Variants in TENM2 observed in about 807,000 individuals in gnomAD.
The protein encoded by TENM2 is teneurin-2.
Under a neutral mutation model 245.2 loss-of-function variants are expected in TENM2, and 52 were observed. The observed-to-expected ratio is 0.21, with a 90% confidence interval of 0.17 to 0.27. The LOEUF (loss-of-function observed/expected upper bound fraction) is 0.27. TENM2 is among the 10% of genes least tolerant of loss of function. The pLI is 1.00. For missense variants in TENM2, 3,046 were observed against 3,666.8 expected, an observed-to-expected ratio of 0.83 and a Z score of 4.37; for synonymous variants, 1,363 against 1,438.9, an observed-to-expected ratio of 0.95 and a Z score of 1.19.
intron 2 of TENM2, among the ~76,000 whole-genome samples, chr5:167,841,756 C>A (rs1159027207): frequency 6.6e-6 from 1 of 152,086 alleles, no homozygotes; most frequent in African/African-American, 2.4e-5. Context: ...TTTTTCTAGT[C>A]CAGGGTTCAT....
chr5:167,997,401 A>G (rs1314318245), intron 5 of TENM2, among the ~76,000 whole-genome samples: 1 of 152,222 alleles, frequency 6.6e-6, no homozygotes, highest in Non-Finnish European at 1.5e-5. Context: ...TTCCTGAATC[A>G]TCTTCTAACG....
At chr5:167,322,322 A>G (rs17068271) in intron 1 of TENM2, among the ~76,000 whole-genome samples, 87,675 of 151,804 alleles carry the variant, frequency 0.58, 25,459 homozygotes, top group Admixed American at 0.64. Flanking sequence ...GCTTCAGTGC[A>G]CTTGGCTTTG....
intron 1 of TENM2, among the ~76,000 whole-genome samples, chr5:167,293,218 T>G (rs113713760): frequency 6.6e-6 from 1 of 152,236 alleles, no homozygotes; most frequent in African/African-American, 2.4e-5. Flanking sequence ...TTGTTTGTTT[T>G]AAGGCAGAGC....
At chr5:168,084,980 A>G (rs1189651511) in intron 7 of TENM2, among the ~76,000 whole-genome samples, 1 of 152,180 alleles carries the variant, frequency 6.6e-6, no homozygotes, top group Non-Finnish European at 1.5e-5. Context: ...GGCAGCTACA[A>G]CTAGGTTCTT....
At chr5:167,334,608 T>A (rs1200077424) in intron 1 of TENM2, among the ~76,000 whole-genome samples, 1 of 152,236 alleles carries the variant, frequency 6.6e-6, no homozygotes, top group Non-Finnish European at 1.5e-5. Context: ...CTCTTGTTTT[T>A]TCCTTCCTTT....
intron 2 of TENM2, among the ~76,000 whole-genome samples, chr5:167,805,529 G>T (rs2150968082): frequency 6.6e-6 from 1 of 152,294 alleles, no homozygotes; most frequent in African/African-American, 2.4e-5. Flanking sequence ...GTAGATACTT[G>T]TTGACTGAAG....
At chr5:167,908,658 G>T (rs1408237441) in intron 3 of TENM2, among the ~76,000 whole-genome samples, 1 of 106,286 alleles carries the variant, frequency 9.4e-6, no homozygotes, top group African/African-American at 3.8e-5. Context: ...TCCCCTCTTT[G>T]CTTTTCTTCT....
chr5:167,355,886 T>TTA (rs397732006), intron 1 of TENM2, among the ~76,000 whole-genome samples: 4 of 150,142 alleles, frequency 2.7e-5, no homozygotes, highest in Admixed American at 1.3e-4. Context: ...TTTTTTTTTT[T>TTA]AAAGCTAGGA....
At chr5:167,889,616 T>C (rs144254680) in intron 3 of TENM2, among the ~76,000 whole-genome samples, 66 of 152,274 alleles carry the variant, frequency 4.3e-4, no homozygotes, top group Non-Finnish European at 8.4e-4. Flanking sequence ...CTGTCTTTGA[T>C]ACATTCCTAT....
intron 3 of TENM2, among the ~76,000 whole-genome samples, chr5:167,877,467 T>A (rs2151389346): frequency 6.6e-6 from 1 of 152,336 alleles, no homozygotes; most frequent in East Asian, 1.9e-4. Flanking sequence ...AGGCCTTTAA[T>A]CTACCATAAA....
At chr5:167,176,752 T>G in the TENM2 span, among the ~76,000 whole-genome samples, 5 of 152,224 alleles carry the variant, frequency 3.3e-5, no homozygotes, top group African/African-American at 4.8e-5. Flanking sequence ...AGGTGCCTTT[T>G]GTGTAGTTTT....
the TENM2 span, among the ~76,000 whole-genome samples, chr5:167,245,785 C>G: frequency 6.6e-6 from 1 of 152,094 alleles, no homozygotes; most frequent in Non-Finnish European, 1.5e-5. Flanking sequence ...TTGGGTCTTA[C>G]AAATGACATA....
At chr5:167,418,065 C>G (rs1181300802) in intron 2 of TENM2, among the ~76,000 whole-genome samples, 1 of 152,192 alleles carries the variant, frequency 6.6e-6, no homozygotes, top group Non-Finnish European at 1.5e-5. Flanking sequence ...CACGGTGGCT[C>G]ACGCCTGTAA....
At chr5:167,058,850 A>C in the TENM2 span, among the ~76,000 whole-genome samples, 1 of 152,216 alleles carries the variant, frequency 6.6e-6, no homozygotes, top group Non-Finnish European at 1.5e-5. Context: ...TTAAATCTAT[A>C]TAATCTTCAG....
chr5:167,467,349 AGTC>A (rs1766729939), intron 2 of TENM2, among the ~76,000 whole-genome samples: 1 of 152,082 alleles, frequency 6.6e-6, no homozygotes. Context: ...AGGCCTCCCC[AGTC>A]GTGTGGAACT....
At chr5:167,912,388 A>C (rs1447450865) in intron 3 of TENM2, among the ~76,000 whole-genome samples, 1 of 152,134 alleles carries the variant, frequency 6.6e-6, no homozygotes, top group African/African-American at 2.4e-5. Flanking sequence ...TTACCCATTC[A>C]TCTATTGATG....
intron 1 of TENM2, among the ~76,000 whole-genome samples, chr5:167,327,566 G>A (rs188593030): frequency 2.5e-3 from 378 of 152,280 alleles, no homozygotes; most frequent in Middle Eastern, 0.024. Context: ...AAGAAAAACA[G>A]GGATTAACAT....
chr5:167,993,442 T>C (rs944145876), intron 5 of TENM2, among the ~76,000 whole-genome samples: 1 of 152,248 alleles, frequency 6.6e-6, no homozygotes, highest in African/African-American at 2.4e-5. Flanking sequence ...TTCTTGGAGA[T>C]GAGCTGAGAC....
intron 2 of TENM2, among the ~76,000 whole-genome samples, chr5:167,790,799 A>C (rs919294236): frequency 6.6e-6 from 1 of 152,186 alleles, no homozygotes; most frequent in Non-Finnish European, 1.5e-5. Flanking sequence ...CCTTTGCCCT[A>C]AGCCCCCAGG....
Sources: gnomAD v4.1 joint callset for allele counts (sites outside exome capture counted in the v4.1 genomes callset) on GRCh38, gnomAD v4.1.1 for gene constraint, MANE v1.5 for transcripts, NCBI Gene and HGNC (gene_info 2026-07-23, HGNC 2026-07-21) for gene names.